CTNNA2: variants seen among roughly 807,000 people sequenced by gnomAD.
CTNNA2 encodes catenin alpha 2, also known as catenin alpha-2.
In CTNNA2, 42 loss-of-function variants were observed where a neutral mutation model predicts 101.0. The observed-to-expected ratio is 0.42, with a 90% confidence interval of 0.32 to 0.54. CTNNA2 has a LOEUF of 0.54. Among genes scored for constraint, CTNNA2 ranks in the 20% least tolerant of loss-of-function variants. The pLI, the probability that CTNNA2 is intolerant of heterozygous loss-of-function variation, is 0.14. For missense variants in CTNNA2, 871 were observed against 1,223.1 expected, an observed-to-expected ratio of 0.71 and a Z score of 4.29; for synonymous variants, 450 against 456.4, an observed-to-expected ratio of 0.99 and a Z score of 0.18.
At chr2:80,113,737 T>A (rs1701352315) in intron 7 of CTNNA2, among the ~76,000 whole-genome samples, 1 of 152,204 alleles carries the variant, frequency 6.6e-6, no homozygotes, top group Non-Finnish European at 1.5e-5. Flanking sequence ...TGTTTTCTCA[T>A]GGACAAGAGT....
chr2:79,321,236 T>C (rs1224407203), intron 3 of CTNNA2, among the ~76,000 whole-genome samples: 1 of 152,148 alleles, frequency 6.6e-6, no homozygotes, highest in East Asian at 1.9e-4. Flanking sequence ...TCAAGCAACT[T>C]TGTTGGCAAA....
chr2:79,911,549 C>T (rs1009233858), intron 7 of CTNNA2, among the ~76,000 whole-genome samples: 1 of 152,194 alleles, frequency 6.6e-6, no homozygotes, highest in Non-Finnish European at 1.5e-5. Context: ...TAATCTCATG[C>T]AGATCAGCAG....
At chr2:79,198,726 C>T (rs140854826) in intron 2 of CTNNA2, among the ~76,000 whole-genome samples, 2 of 133,768 alleles carry the variant, frequency 1.5e-5, no homozygotes, top group Non-Finnish European at 3.3e-5. Flanking sequence ...ATGTCTTAGG[C>T]ATAGTGTTGG....
chr2:79,642,876 C>T (rs1680546546), intron 1 of CTNNA2, among the ~76,000 whole-genome samples: 1 of 151,568 alleles, frequency 6.6e-6, no homozygotes, highest in Admixed American at 6.6e-5. Flanking sequence ...AATAGGGTAT[C>T]CACATCCTAG....
Position 80,589,397 on chromosome 2 carries a change from G to A in CTNNA2, c.2101G>A (p.Val701Met), listed in dbSNP as rs41288785. The change falls in exon 15 of 19, where the codon GTG becomes ATG. Residue 701 changes from valine to methionine, a missense_variant. Physicochemically the swap from Val to Met is conservative, Grantham distance 21 (BLOSUM62 1). Around this residue, in one of 5 missense-constraint regions of CTNNA2, gnomAD observed 93 missense variants for 223.7 expected, o/e 0.42. Coordinates refer to ENST00000402739, the MANE Select transcript of CTNNA2 (RefSeq NM_001282597.3). ...AGAGAAAAGCAAGCTGGATGCAGAA[G>A]TGGCCAAATGGGACGACAGCGGCAA... The part of the protein sequence containing the change: ...HQEKSKLDAE[V>M]AKWDDSGNDI... 6.2e-7 allele frequency: 1 copy of A among 1,614,136 alleles called. No individual in the cohort carries two copies. The highest frequency in any genetic ancestry group is 8.5e-7 in the Non-Finnish European group (1 of 1,179,998).
chr2:79,370,847 C>T (rs961150350), intron 3 of CTNNA2, among the ~76,000 whole-genome samples: 1 of 152,142 alleles, frequency 6.6e-6, no homozygotes, highest in Admixed American at 6.5e-5. Context: ...CCTTTTTCTC[C>T]ACCCTTTTGA....
At chr2:80,239,852 C>T (rs1010600606) in intron 7 of CTNNA2, among the ~76,000 whole-genome samples, 2 of 151,530 alleles carry the variant, frequency 1.3e-5, no homozygotes, top group East Asian at 3.9e-4. Context: ...GCAGAAGTTG[C>T]AGTGAGCCGA....
chr2:80,619,575 C>A (rs1670893659), intron 18 of CTNNA2, among the ~76,000 whole-genome samples: 1 of 151,854 alleles, frequency 6.6e-6, no homozygotes, highest in Non-Finnish European at 1.5e-5. Context: ...AGGATGTATT[C>A]TTCTTTGTTT....
rs1553384521 is a variant in CTNNA2, at chr2:80,553,230, A to AT, written c.1541-2463_1541-2462insT. On this transcript the variant is annotated intron_variant, in intron 11 of 18. Transcript: ENST00000402739. ...CAGAGGGAGACTCCGTCTCAAAAAA[A>AT]AAAATAAAATAAAATAAAATAAAAT... Among the ~76,000 whole-genome samples the AT allele has an allele frequency of 1.5e-4, 18 of 123,358 alleles. No homozygotes were observed. In the South Asian group the frequency reaches 2.0e-3, roughly 14 times the overall value. 80.9% of individuals were successfully genotyped at this position (123,358 alleles called of 152,430 possible).
intron 6 of CTNNA2, among the ~76,000 whole-genome samples, chr2:79,906,931 A>G (rs1008767284): frequency 6.6e-6 from 1 of 152,206 alleles, no homozygotes; most frequent in African/African-American, 2.4e-5. Flanking sequence ...AAAACATTAT[A>G]TCTCTAAGCT....
chr2:79,835,515 A>G (rs1679256261), intron 3 of CTNNA2, among the ~76,000 whole-genome samples: 1 of 151,970 alleles, frequency 6.6e-6, no homozygotes, highest in African/African-American at 2.4e-5. Context: ...TGAGATTCTA[A>G]TAGCTTTCAG....
intron 7 of CTNNA2, among the ~76,000 whole-genome samples, chr2:79,933,747 A>C (rs1346243990): frequency 6.6e-6 from 1 of 152,020 alleles, no homozygotes; most frequent in Non-Finnish European, 1.5e-5. Context: ...GAGCCATCGC[A>C]CCCAGCCCTG....
In CTNNA2 at chr2:80,548,939, C is replaced by G. The variant is rs113824419; in HGVS notation, c.1540+2876C>G. The stretch of plus-strand genomic sequence containing the variant: ...GGAATATCTCTTTGGTCAGGAAACT[C>G]TATTTAAAAAACAATAAAAACAGAT... On this transcript the variant is annotated intron_variant, in intron 11 of 18. Coordinates refer to ENST00000402739, the MANE Select transcript of CTNNA2 (RefSeq NM_001282597.3). Among the ~76,000 whole-genome samples the G allele has an allele frequency of 3.9e-3, 588 of 152,152 alleles. 3 individuals carry two copies. Among genetic ancestry groups the G allele is most frequent in the African/African-American group, 0.014 (579 of 41,496 alleles).
At chr2:80,536,904 TA>T (rs1691082071) in intron 9 of CTNNA2, among the ~76,000 whole-genome samples, 1 of 152,218 alleles carries the variant, frequency 6.6e-6, no homozygotes, top group African/African-American at 2.4e-5. Context: ...CTTGCCTTTT[TA>T]AATGGTCACT....
At chr2:79,540,022 C>G (rs922364754) in intron 1 of CTNNA2, among the ~76,000 whole-genome samples, 5 of 152,098 alleles carry the variant, frequency 3.3e-5, no homozygotes, top group Non-Finnish European at 5.9e-5. Flanking sequence ...TTCCTAAATT[C>G]CTTTCTGTCC....
At chr2:79,336,940 G>T (rs1160146293) in intron 3 of CTNNA2, among the ~76,000 whole-genome samples, 1 of 152,160 alleles carries the variant, frequency 6.6e-6, no homozygotes, top group East Asian at 1.9e-4. Context: ...ACTCTTCCCA[G>T]ATTGTGACCT....
intron 2 of CTNNA2, among the ~76,000 whole-genome samples, chr2:79,677,502 A>AAC (rs1573648592): frequency 6.6e-6 from 1 of 152,146 alleles, no homozygotes. Context: ...CGTAATAGGA[A>AAC]ACACACACAC....
At chr2:79,864,131 G>A (rs1169887600) in intron 4 of CTNNA2, among the ~76,000 whole-genome samples, 2 of 152,228 alleles carry the variant, frequency 1.3e-5, no homozygotes, top group Admixed American at 6.5e-5. Context: ...TATTTTCATA[G>A]TGTTAGCAGA....
chr2:80,587,130 A>G (rs1184046366), intron 14 of CTNNA2, among the ~76,000 whole-genome samples: 1 of 152,138 alleles, frequency 6.6e-6, no homozygotes, highest in African/African-American at 2.4e-5. Flanking sequence ...CCTAGAGCCT[A>G]TTGTGTGATA....
Sources: gnomAD v4.1 joint callset for allele counts (sites outside exome capture counted in the v4.1 genomes callset) on GRCh38, gnomAD v4.1.1 for gene constraint, gnomAD v4.1.1 regional missense constraint, MANE v1.5 for transcripts, NCBI Gene and HGNC (gene_info 2026-07-23, HGNC 2026-07-21) for gene names.